BICC1: variants seen among roughly 807,000 people sequenced by gnomAD.
BICC1 encodes the protein protein bicaudal C homolog 1.
In BICC1, 43 loss-of-function variants were observed where a neutral mutation model predicts 111.0. That is an observed-to-expected ratio of 0.39 (90% CI 0.30 to 0.50). The LOEUF is 0.50. BICC1 is among the 20% of genes least tolerant of loss of function. The probability of loss-of-function intolerance (pLI) is 0.88; values close to 1 mark genes in which losing one functional copy is unlikely to be tolerated. For missense variants in BICC1, 1,091 were observed against 1,203.2 expected (o/e 0.91, Z 1.38); for synonymous variants, 467 against 434.4 (o/e 1.07, Z -0.93).
At chr10:58,816,815 A>G (rs1270868940) in intron 18 of BICC1, among the ~76,000 whole-genome samples, 1 of 149,990 alleles carries the variant, frequency 6.7e-6, no homozygotes, top group Non-Finnish European at 1.5e-5. Flanking sequence ...GCTTGGTTCA[A>G]TAGTCCGTCA....
At chr10:58,771,278 G>C (rs1485260812) in intron 3 of BICC1, among the ~76,000 whole-genome samples, 1 of 152,074 alleles carries the variant, frequency 6.6e-6, no homozygotes, top group Non-Finnish European at 1.5e-5. Context: ...TAGAGGAAGG[G>C]GGAATAAAGG....
At chr10:58,825,775 C>A (rs1216384365) in intron 20 of BICC1, among the ~76,000 whole-genome samples, 2 of 152,144 alleles carry the variant, frequency 1.3e-5, no homozygotes, top group Admixed American at 6.5e-5. Flanking sequence ...AGTGATCTCT[C>A]ACAGTTCTTG....
intron 1 of BICC1, among the ~76,000 whole-genome samples, chr10:58,590,947 A>G (rs1165534339): frequency 6.6e-6 from 1 of 152,154 alleles, no homozygotes; most frequent in Non-Finnish European, 1.5e-5. Context: ...ATCTTTGACC[A>G]CCGGTTCTCT....
intron 2 of BICC1, among the ~76,000 whole-genome samples, chr10:58,639,739 T>TTG (rs1838066586): frequency 1.4e-5 from 2 of 145,016 alleles, no homozygotes; most frequent in Admixed American, 1.4e-4. Flanking sequence ...TTTTTTTTTT[T>TTG]TTTGAGACAG....
At chr10:58,708,394 C>T (rs1399536592) in intron 3 of BICC1, among the ~76,000 whole-genome samples, 2 of 152,078 alleles carry the variant, frequency 1.3e-5, no homozygotes, top group African/African-American at 2.4e-5. Flanking sequence ...GCATCATTGT[C>T]TGGGGTAAAT....
chr10:58,573,471 G>C (rs141599763), intron 1 of BICC1, among the ~76,000 whole-genome samples: 51 of 152,234 alleles, frequency 3.4e-4, no homozygotes, highest in African/African-American at 1.2e-3. Context: ...TCTGAAAGAG[G>C]TTTTGCTAAT....
chr10:58,671,505 C>T (rs1356645994), intron 2 of BICC1, among the ~76,000 whole-genome samples: 2 of 152,116 alleles, frequency 1.3e-5, no homozygotes, highest in African/African-American at 4.8e-5. Context: ...TTTCCCTGGA[C>T]AGAACTTAGT....
At chr10:58,818,713 G>T (rs1046899579) in intron 19 of BICC1, among the ~76,000 whole-genome samples, 17 of 151,876 alleles carry the variant, frequency 1.1e-4, no homozygotes, top group African/African-American at 4.1e-4. Flanking sequence ...CCCTACATCT[G>T]AGTTAGTGTT....
At chr10:58,655,124 C>T (rs1386982075) in intron 2 of BICC1, among the ~76,000 whole-genome samples, 18 of 142,166 alleles carry the variant, frequency 1.3e-4, no homozygotes, top group Non-Finnish European at 2.0e-4. Context: ...TGTGATGCCT[C>T]CAGCTTTATT....
At chr10:58,643,860 C>T (rs1410450821) in intron 2 of BICC1, among the ~76,000 whole-genome samples, 1 of 152,152 alleles carries the variant, frequency 6.6e-6, no homozygotes. Flanking sequence ...CTTGGAGGAG[C>T]TTCTGTTAAT....
chr10:58,791,226 T>G (rs1843166075), intron 8 of BICC1, among the ~76,000 whole-genome samples: 1 of 152,230 alleles, frequency 6.6e-6, no homozygotes, highest in South Asian at 2.1e-4. Context: ...TCTTCATTTT[T>G]TTTCTGCTTT....
intron 1 of BICC1, among the ~76,000 whole-genome samples, chr10:58,520,419 A>G (rs1018434640): frequency 7.9e-5 from 12 of 152,156 alleles, no homozygotes; most frequent in Non-Finnish European, 7.4e-5. Context: ...CAAAACCATC[A>G]TAGAAGCATT....
At chr10:58,652,567 A>T (rs1393246796) in intron 2 of BICC1, among the ~76,000 whole-genome samples, 3 of 152,136 alleles carry the variant, frequency 2.0e-5, no homozygotes, top group Admixed American at 2.0e-4. Flanking sequence ...CATTCAATAA[A>T]TATTTATTGT....
intron 1 of BICC1, among the ~76,000 whole-genome samples, chr10:58,522,027 T>G (rs561121416): frequency 8.6e-5 from 13 of 152,026 alleles, no homozygotes; most frequent in African/African-American, 3.1e-4. Context: ...CCCTTGAAGC[T>G]AGTACTTTTT....
At chr10:58,685,289 A>G (rs1839681268) in intron 2 of BICC1, among the ~76,000 whole-genome samples, 1 of 152,182 alleles carries the variant, frequency 6.6e-6, no homozygotes. Flanking sequence ...TTTACTTCCA[A>G]CTGTGTGGTC....
intron 2 of BICC1, among the ~76,000 whole-genome samples, chr10:58,667,054 G>C (rs1344125957): frequency 6.6e-6 from 1 of 151,950 alleles, no homozygotes; most frequent in Non-Finnish European, 1.5e-5. Flanking sequence ...CAGCTAGAAG[G>C]AAAAAATTTC....
At chr10:58,783,194 A>G (rs1252008264) in intron 3 of BICC1, among the ~76,000 whole-genome samples, 1 of 152,000 alleles carries the variant, frequency 6.6e-6, no homozygotes, top group African/African-American at 2.4e-5. Flanking sequence ...AGCAGCCACC[A>G]GGAGAGGGTG....
chr10:58,693,412 T>C (rs1839971870), intron 2 of BICC1, among the ~76,000 whole-genome samples: 1 of 152,192 alleles, frequency 6.6e-6, no homozygotes, highest in African/African-American at 2.4e-5. Flanking sequence ...TATTTCTAGT[T>C]CTAGATCCTT....
chr10:58,566,621 A>G (rs920518148), intron 1 of BICC1, among the ~76,000 whole-genome samples: 1 of 152,176 alleles, frequency 6.6e-6, no homozygotes, highest in Non-Finnish European at 1.5e-5. Flanking sequence ...TCCCATCAGC[A>G]GTGTAAAAGT....
Sources: allele counts gnomAD v4.1 joint callset (sites outside exome capture counted in the v4.1 genomes callset), GRCh38; gene constraint gnomAD v4.1.1; transcripts MANE v1.5; gene names NCBI Gene and HGNC (gene_info 2026-07-23, HGNC 2026-07-21).